Variants in BPTF observed in about 807,000 individuals in gnomAD.
The protein encoded by BPTF is bromodomain PHD finger transcription factor.
Under a neutral mutation model 292.5 loss-of-function variants are expected in BPTF, and 18 were observed. The observed-to-expected ratio is 0.06, with a 90% CI of 0.04 to 0.09. BPTF has a LOEUF of 0.09. Ranked by LOEUF, BPTF falls within the 10% of genes least tolerant of loss-of-function variation. BPTF has a pLI of 1.00. For missense variants in BPTF, 2,726 were observed against 3,498.7 expected, an observed-to-expected ratio of 0.78 and a Z score of 5.57; for synonymous variants, 1,225 against 1,251.9, an observed-to-expected ratio of 0.98 and a Z score of 0.45.
chr17:67,899,173 T>C (rs1018231287), intron 7 of BPTF, among the ~76,000 whole-genome samples: 1 of 152,160 alleles, frequency 6.6e-6, no homozygotes, highest in Admixed American at 6.6e-5. Context: ...GAAGCAATAA[T>C]GCAGGTAGAC....
intron 26 of BPTF, among the ~76,000 whole-genome samples, chr17:67,969,488 G>A (rs7217111): frequency 0.9 from 125,813 of 140,354 alleles, 58,719 homozygotes; most frequent in East Asian, 1. Flanking sequence ...GATAGCCATT[G>A]CTTTTGGTGT....
intron 4 of BPTF, among the ~76,000 whole-genome samples, chr17:67,885,430 A>G (rs986791045): frequency 6.6e-6 from 1 of 152,114 alleles, no homozygotes; most frequent in Non-Finnish European, 1.5e-5. Context: ...CCAAAAATAT[A>G]AAAGAATTAT....
Position 67,827,821 on chromosome 17 carries a change from G to C in BPTF, c.613+1484G>C, listed in dbSNP as rs2056235215. Among the ~76,000 whole-genome samples, 5 of 152,234 alleles carry C rather than the reference G, an allele frequency of 3.3e-5. No individual in the cohort carries two copies. The South Asian group carries it at 1.0e-3, about 32-fold the overall frequency. ...AGTGGTCAGAATCGTTGCCAGTCTT[G>C]TCCGGGGCAGGCTGTCTGGTGAATG... On this transcript the variant is annotated intron_variant, in intron 1 of 27. Coordinates refer to ENST00000306378, the MANE Select transcript of BPTF (RefSeq NM_182641.4).
intron 4 of BPTF, among the ~76,000 whole-genome samples, chr17:67,877,994 A>G (rs998892294): frequency 6.6e-6 from 1 of 152,244 alleles, no homozygotes; most frequent in Non-Finnish European, 1.5e-5. Context: ...GAATAACTTG[A>G]TGGATGTTTA....
chr17:67,969,595 A>G (rs184329199), intron 26 of BPTF, among the ~76,000 whole-genome samples: 1 of 146,382 alleles, frequency 6.8e-6, no homozygotes, highest in Admixed American at 6.8e-5. Flanking sequence ...ATGGGTTTTT[A>G]TGGTCCATTA....
intron 4 of BPTF, among the ~76,000 whole-genome samples, chr17:67,879,498 G>A (rs900103182): frequency 2.0e-5 from 3 of 152,172 alleles, no homozygotes; most frequent in Admixed American, 6.5e-5. Flanking sequence ...AGTTTTCACT[G>A]TGAGAAGGTT....
intron 18 of BPTF, among the ~76,000 whole-genome samples, chr17:67,935,552 G>A (rs938602629): frequency 1.3e-5 from 2 of 152,132 alleles, no homozygotes; most frequent in African/African-American, 4.8e-5. Flanking sequence ...GAAAAGGGAG[G>A]AATATGCTTG....
chr17:67,984,182 T>C lies in BPTF; in HGVS notation c.*1894T>C, dbSNP rs2070675523. The stretch of plus-strand genomic sequence containing the variant: ...TTCTGCATCTCATCACGTCACAGTA[T>C]TTCTGTACTATTTATTCATATATAT... On this transcript the variant is annotated 3_prime_UTR_variant, in exon 28 of 28. Coordinates refer to ENST00000306378, the MANE Select transcript of BPTF (RefSeq NM_182641.4). The C allele has an allele frequency of 6.5e-6, 1 of 152,688 alleles. No homozygotes were observed. Among genetic ancestry groups the C allele is most frequent in the Non-Finnish European group, 1.5e-5 (1 of 68,022 alleles). 9.5% of individuals were successfully genotyped at this position (152,688 alleles called of 1,614,324 possible).
At chr17:67,844,107 T>C (rs1598185977) in intron 1 of BPTF, among the ~76,000 whole-genome samples, 1 of 123,584 alleles carries the variant, frequency 8.1e-6, no homozygotes, top group South Asian at 2.8e-4. Flanking sequence ...TAAGATGGAG[T>C]CTCACTCTGT....
At chr17:67,830,417 A>G (rs145667824) in intron 1 of BPTF, among the ~76,000 whole-genome samples, 6 of 152,250 alleles carry the variant, frequency 3.9e-5, no homozygotes, top group South Asian at 4.1e-4. Context: ...CATAGATTCA[A>G]ATTCAAGCAG....
At chr17:67,960,635 C>CTT (rs1438586527) in intron 24 of BPTF, among the ~76,000 whole-genome samples, 1 of 152,138 alleles carries the variant, frequency 6.6e-6, no homozygotes, top group Non-Finnish European at 1.5e-5. Context: ...TGTAGTCCAG[C>CTT]TTTTTAAAGC....
At chr17:67,828,717 G>C (rs2056356796) in intron 1 of BPTF, among the ~76,000 whole-genome samples, 1 of 152,016 alleles carries the variant, frequency 6.6e-6, no homozygotes, top group Non-Finnish European at 1.5e-5. Context: ...TAGTAATGAC[G>C]GGGTTTCTCC....
At chr17:67,917,131 C>CTTGTTTTTTTTTTTTT (rs2063069365) in intron 11 of BPTF, among the ~76,000 whole-genome samples, 1 of 105,808 alleles carries the variant, frequency 9.5e-6, no homozygotes, top group East Asian at 4.1e-4. Flanking sequence ...TGGTATTGTC[C>CTTGTTTTTTTTTTTTT]TTTTTTTTTT....
At chr17:67,916,133 C>A (rs2062968191) in intron 11 of BPTF, among the ~76,000 whole-genome samples, 1 of 152,232 alleles carries the variant, frequency 6.6e-6, no homozygotes, top group Non-Finnish European at 1.5e-5. Flanking sequence ...CATTTCCCCT[C>A]TGATTTCCCC....
chr17:67,956,980 A>G (rs1555681384), intron 23 of BPTF: 2 of 151,218 alleles, frequency 1.3e-5, no homozygotes, highest in African/African-American at 4.9e-5. Context: ...TAAACAAAAA[A>G]AAAGCTCTTT....
At chr17:67,855,345 G>A (rs1012953340) in intron 2 of BPTF, among the ~76,000 whole-genome samples, 1 of 152,126 alleles carries the variant, frequency 6.6e-6, no homozygotes, top group Non-Finnish European at 1.5e-5. Context: ...GAATGCCACT[G>A]TGGGCCTGTT....
Position 67,826,012 on chromosome 17 carries a change from A to T in BPTF, c.288A>T (p.Gly96=). The change falls in exon 1 of 28, where the codon GGA becomes GGT. Residue 96 remains glycine (G), a synonymous_variant. Coordinates refer to ENST00000306378, the MANE Select transcript of BPTF (RefSeq NM_182641.4). Reference sequence around the variant, plus strand: ...GCGCCCCGGGCCGGGGGGGGCGAGGAGGCGGGGGCGGCAGGACGGGGGGCG... The same window carrying T: ...GCGCCCCGGGCCGGGGGGGGCGAGGTGGCGGGGGCGGCAGGACGGGGGGCG... ...STSAPGRGGR[G]GGGGRTGGGG... 17 of 819,946 alleles carry T rather than the reference A, an allele frequency of 2.1e-5. No individual in the cohort carries two copies. Among genetic ancestry groups the T allele is most frequent in the South Asian group, 6.0e-5 (1 of 16,584 alleles). 50.8% of individuals were successfully genotyped at this position (819,946 alleles called of 1,614,324 possible).
intron 4 of BPTF, among the ~76,000 whole-genome samples, chr17:67,883,173 G>A (rs1479719676): frequency 6.6e-6 from 1 of 151,926 alleles, no homozygotes; most frequent in Non-Finnish European, 1.5e-5. Context: ...AAAATTAGCC[G>A]GGCGTGATGA....
intron 1 of BPTF, among the ~76,000 whole-genome samples, chr17:67,853,429 CA>C (rs1029470406): frequency 1.3e-5 from 2 of 151,956 alleles, no homozygotes; most frequent in African/African-American, 4.8e-5. Flanking sequence ...GTACTTCTGA[CA>C]AAAAAAGAGG....
Sources: gnomAD v4.1 joint callset for allele counts (sites outside exome capture counted in the v4.1 genomes callset) on GRCh38, gnomAD v4.1.1 for gene constraint, MANE v1.5 for transcripts, NCBI Gene and HGNC (gene_info 2026-07-23, HGNC 2026-07-21) for gene names.